NRXN3: variants seen among roughly 807,000 people sequenced by gnomAD.
NRXN3 encodes neurexin 3.
A neutral mutation model predicts 137.6 loss-of-function variants in NRXN3; 32 were observed. The observed-to-expected ratio is 0.23, with a 90% confidence interval of 0.18 to 0.31. The LOEUF is 0.31. NRXN3 is among the 10% of genes least tolerant of loss of function. The probability of loss-of-function intolerance (pLI) is 1.00; values close to 1 mark genes in which losing one functional copy is unlikely to be tolerated. For missense variants in NRXN3, 1,574 were observed against 2,062.5 expected (o/e 0.76, Z 4.59); for synonymous variants, 798 against 784.5 (o/e 1.02, Z -0.29).
chr14:79,545,021 C>G (rs2097306168), intron 16 of NRXN3, among the ~76,000 whole-genome samples: 1 of 152,158 alleles, frequency 6.6e-6, no homozygotes, highest in African/African-American at 2.4e-5. Flanking sequence ...TAGAGATAAC[C>G]AAGATAGCAT....
chr14:78,198,038 G>C (rs1309252383), intron 1 of NRXN3, among the ~76,000 whole-genome samples: 1 of 152,164 alleles, frequency 6.6e-6, no homozygotes, highest in Non-Finnish European at 1.5e-5. Flanking sequence ...GCCCATCTTG[G>C]AAAGATACGA....
At chr14:79,624,892 T>G (rs1050597233) in intron 16 of NRXN3, among the ~76,000 whole-genome samples, 4 of 150,462 alleles carry the variant, frequency 2.7e-5, no homozygotes, top group Admixed American at 6.6e-5. Context: ...CAGCCTCAAC[T>G]TCCCAGGCTC....
At chr14:79,598,810 A>T (rs1039674920) in intron 16 of NRXN3, among the ~76,000 whole-genome samples, 3 of 152,188 alleles carry the variant, frequency 2.0e-5, no homozygotes, top group African/African-American at 7.2e-5. Flanking sequence ...TCCATCTAGT[A>T]GTAAAAGGTG....
intron 19 of NRXN3, among the ~76,000 whole-genome samples, chr14:79,773,729 G>A (rs1225699257): frequency 1.3e-5 from 2 of 150,492 alleles, no homozygotes; most frequent in East Asian, 1.9e-4. Flanking sequence ...GTATACATAC[G>A]TAACTAACCT....
rs1157938964 is a variant in NRXN3 at position 79,864,758 on chromosome 14, TG to T, written c.*2795del. 4 of 152,104 alleles carry T rather than the reference TG, an allele frequency of 2.6e-5. No individual in the cohort carries two copies. The highest frequency in any genetic ancestry group is 9.7e-5 in the African/African-American group (4 of 41,352). The allele number at this position is 152,104 out of a possible 1,614,324, so 9.4% of individuals were successfully genotyped here. On this transcript the variant is annotated 3_prime_UTR_variant, in exon 21 of 21. Coordinates refer to ENST00000335750, the MANE Select transcript of NRXN3 (RefSeq NM_001330195.2). ...TGTTTTTTGTTTTTCGTTTTTTGTTTGTTTTTTTTTTGAGACAGAGTCTCGC... is the reference window on the plus strand; with the variant it reads ...TGTTTTTTGTTTTTCGTTTTTTGTTTTTTTTTTTTTGAGACAGAGTCTCGC...
intron 16 of NRXN3, among the ~76,000 whole-genome samples, chr14:79,608,180 G>A (rs1460929785): frequency 6.6e-6 from 1 of 152,118 alleles, no homozygotes; most frequent in Non-Finnish European, 1.5e-5. Context: ...GATGTAATGA[G>A]GATTCTGGAA....
At chr14:78,662,773 A>G (rs1315167202) in intron 6 of NRXN3, among the ~76,000 whole-genome samples, 2 of 152,222 alleles carry the variant, frequency 1.3e-5, no homozygotes, top group East Asian at 3.8e-4. Context: ...TACATGTCCC[A>G]CAAACATTTA....
intron 8 of NRXN3, among the ~76,000 whole-genome samples, chr14:78,785,629 T>A (rs964369705): frequency 6.6e-6 from 1 of 152,206 alleles, no homozygotes; most frequent in African/African-American, 2.4e-5. Context: ...GTTTATGACT[T>A]AATTTTAGCT....
At chr14:79,397,172 C>A (rs1027519753) in intron 15 of NRXN3, among the ~76,000 whole-genome samples, 9 of 151,930 alleles carry the variant, frequency 5.9e-5, no homozygotes, top group Admixed American at 5.9e-4. Context: ...ATATACAGTT[C>A]TTCAGTTAAG....
At chr14:79,550,656 G>A (rs566256795) in intron 16 of NRXN3, among the ~76,000 whole-genome samples, 1 of 152,226 alleles carries the variant, frequency 6.6e-6, no homozygotes, top group South Asian at 2.1e-4. Flanking sequence ...AAGTCAGAAA[G>A]GCCAGCCAAG....
intron 16 of NRXN3, among the ~76,000 whole-genome samples, chr14:79,508,390 A>ATTTTTTTTTTTTTTTTTTTTT (rs528502246): frequency 0.012 from 585 of 48,176 alleles, 168 homozygotes; most frequent in African/African-American, 0.034. Context: ...ACAATAACTG[A>ATTTTTTTTTTTTTTTTTTTTT]TTTTTTTTTT....
At chr14:79,773,486 G>A (rs1244644943) in intron 19 of NRXN3, among the ~76,000 whole-genome samples, 1 of 151,994 alleles carries the variant, frequency 6.6e-6, no homozygotes, top group Non-Finnish European at 1.5e-5. Flanking sequence ...TAGGCACATG[G>A]ATGAAATTGG....
Position 79,641,780 on chromosome 14 carries a change from G to T in NRXN3, c.3445-21998G>T, listed in dbSNP as rs772751961. Among the ~76,000 whole-genome samples, 4 of 135,360 alleles carry T rather than the reference G, an allele frequency of 3.0e-5. 1 individual carries two copies. Among genetic ancestry groups the T allele is most frequent in the Non-Finnish European group, 5.2e-5 (3 of 58,134 alleles). The allele number at this position is 135,360 out of a possible 152,430, so 88.8% of individuals were successfully genotyped here. A position where few individuals can be genotyped will look rare whatever the true frequency, so the allele number is the denominator to read the frequency against. ...TAGTCCAGACAGAAACAGTTTTGGTGGTTGCTTGAGTTCTCCCAGTTGTTC... is the reference window on the plus strand; with the variant it reads ...TAGTCCAGACAGAAACAGTTTTGGTTGTTGCTTGAGTTCTCCCAGTTGTTC... On this transcript the variant is annotated intron_variant, in intron 16 of 20. Coordinates refer to ENST00000335750, the MANE Select transcript of NRXN3 (RefSeq NM_001330195.2).
At chr14:79,780,604 G>C (rs895097693) in intron 19 of NRXN3, among the ~76,000 whole-genome samples, 6 of 152,056 alleles carry the variant, frequency 3.9e-5, no homozygotes, top group African/African-American at 1.4e-4. Flanking sequence ...GCGAGACTCT[G>C]TCCCTAAATA....
intron 15 of NRXN3, among the ~76,000 whole-genome samples, chr14:79,155,150 A>G (rs994286403): frequency 4.6e-5 from 7 of 151,860 alleles, no homozygotes; most frequent in Non-Finnish European, 1.0e-4. Flanking sequence ...CCCTTCCTTC[A>G]TCAATGGTGG....
intron 10 of NRXN3, among the ~76,000 whole-genome samples, chr14:78,947,549 A>C (rs73325331): frequency 0.02 from 3,034 of 152,344 alleles, 95 homozygotes; most frequent in African/African-American, 0.069. Flanking sequence ...GACTTACGCT[A>C]TTTAAGAATG....
intron 10 of NRXN3, among the ~76,000 whole-genome samples, chr14:78,817,559 G>A (rs1288378810): frequency 6.6e-6 from 1 of 152,158 alleles, no homozygotes; most frequent in African/African-American, 2.4e-5. Flanking sequence ...GATTCTGGTG[G>A]CTGAAAGTTT....
chr14:78,209,467 A>T (rs569487424), intron 1 of NRXN3, among the ~76,000 whole-genome samples: 1 of 152,216 alleles, frequency 6.6e-6, no homozygotes, highest in Non-Finnish European at 1.5e-5. Context: ...CAGGTAATTT[A>T]TAAAGAAAAG....
At chr14:78,515,747 C>T (rs1381618855) in intron 4 of NRXN3, among the ~76,000 whole-genome samples, 1 of 151,716 alleles carries the variant, frequency 6.6e-6, no homozygotes, top group Non-Finnish European at 1.5e-5. Flanking sequence ...AGAGGAGGCT[C>T]TTGAGTGTAA....
Sources: gnomAD v4.1 joint callset for allele counts (sites outside exome capture counted in the v4.1 genomes callset) on GRCh38, gnomAD v4.1.1 for gene constraint, MANE v1.5 for transcripts, NCBI Gene and HGNC (gene_info 2026-07-23, HGNC 2026-07-21) for gene names.